Variants in SMC6 observed in about 807,000 individuals in gnomAD.
SMC6 encodes structural maintenance of chromosomes 6.
In SMC6, 79 loss-of-function variants were observed where a neutral mutation model predicts 142.2. The observed-to-expected ratio is 0.56, with a 90% CI of 0.46 to 0.67. The LOEUF is 0.67. SMC6 is among the 30% of genes least tolerant of loss of function. The probability of loss-of-function intolerance (pLI) is 0.00; values close to 1 mark genes in which losing one functional copy is unlikely to be tolerated. For missense variants in SMC6, 1,072 were observed against 1,284.0 expected (o/e 0.83, Z 2.52); for synonymous variants, 411 against 412.4 (o/e 1.00, Z 0.04).
intron 18 of SMC6, among the ~76,000 whole-genome samples, chr2:17,705,439 T>C (rs1438262792): frequency 6.6e-6 from 1 of 150,994 alleles, no homozygotes. Context: ...ATGGTGGCAC[T>C]TGCCTGTACT....
intron 7 of SMC6, among the ~76,000 whole-genome samples, chr2:17,729,464 TAATA>T (rs143569136): frequency 0.024 from 3,652 of 152,302 alleles, 165 homozygotes; most frequent in African/African-American, 0.083. Context: ...GAAAACTTTC[TAATA>T]AATACAGCTG....
intron 18 of SMC6, 107 bp downstream of exon 18, chr2:17,707,112 A>G: frequency 1.2e-6 from 1 of 835,048 alleles, no homozygotes; most frequent in Non-Finnish European, 1.7e-6. Flanking sequence ...ACTGAGATAG[A>G]TTACTCACGT....
chr2:17,682,655 T>C (rs533631391), intron 24 of SMC6, among the ~76,000 whole-genome samples: 17 of 152,168 alleles, frequency 1.1e-4, no homozygotes, highest in Non-Finnish European at 2.1e-4. Flanking sequence ...AACCTTGTGA[T>C]TTACAAGGTA....
intron 4 of SMC6, among the ~76,000 whole-genome samples, chr2:17,741,272 T>C (rs1007127072): frequency 3.3e-5 from 5 of 152,234 alleles, no homozygotes; most frequent in Non-Finnish European, 5.9e-5. Context: ...AGTCACTTCA[T>C]TTGTGCTCTT....
intron 24 of SMC6, chr2:17,679,487 C>T (rs991302463): frequency 3.3e-5 from 5 of 152,176 alleles, no homozygotes; most frequent in African/African-American, 9.7e-5. Flanking sequence ...CAAACTCTAT[C>T]TTTCCTTCTC....
chr2:17,666,656 C>A, intron 26 of SMC6, 139 bp from the exon 27 acceptor site: 1 of 648,428 alleles, frequency 1.5e-6, no homozygotes. Flanking sequence ...TCCAAGAAAT[C>A]TATTATACTG....
chr2:17,705,114 C>T (rs1351873900), intron 18 of SMC6, among the ~76,000 whole-genome samples: 6 of 151,264 alleles, frequency 4.0e-5, no homozygotes, highest in Non-Finnish European at 5.9e-5. Flanking sequence ...AGAAATTAGC[C>T]GGGTGTGGTG....
chr2:17,686,012 G>T (rs1038691194), intron 23 of SMC6, among the ~76,000 whole-genome samples: 2 of 151,980 alleles, frequency 1.3e-5, no homozygotes. Context: ...ATGAAAAAAT[G>T]TTGAGTTTTA....
At chr2:17,690,779 G>A (rs1053188906) in intron 23 of SMC6, among the ~76,000 whole-genome samples, 4 of 152,034 alleles carry the variant, frequency 2.6e-5, no homozygotes, top group Middle Eastern at 3.4e-3. Flanking sequence ...TAAGAGAAAC[G>A]TACATTAAAA....
intron 4 of SMC6, among the ~76,000 whole-genome samples, chr2:17,739,879 A>AACACACAC (rs60784309): frequency 0.048 from 5,588 of 115,424 alleles, 274 homozygotes; most frequent in East Asian, 0.15. Context: ...GAATATGGTA[A>AACACACAC]ACACACACAC....
Position 17,720,959 on chromosome 2 carries a change from C to T in SMC6, c.926G>A (p.Arg309Lys). The T allele has an allele frequency of 6.2e-7, 1 of 1,613,244 alleles. No individual in the cohort carries two copies. Among genetic ancestry groups the T allele is most frequent in the Non-Finnish European group, 8.5e-7 (1 of 1,179,712 alleles). The change falls in exon 11 of 28, where the codon AGG (arginine) becomes AAG (lysine). Residue 309 changes from arginine to lysine, a missense_variant. Arg to Lys is a conservative substitution (Grantham distance 26, BLOSUM62 2). Around this residue, in one of 3 missense-constraint regions of SMC6, gnomAD observed 994 missense variants for 1,153.2 expected, o/e 0.86. Coordinates refer to ENST00000448223, the MANE Select transcript of SMC6 (RefSeq NM_001142286.2). Reference protein sequence around the residue: ...IGEDRAARLDRKMEEQQVRLN... With the variant: ...IGEDRAARLDKKMEEQQVRLN... ...AATTACCTGCTGTTCTTCCATTTTC[C>T]TGTCAAGTCTAGCAGCACGATCTTC...
intron 23 of SMC6, among the ~76,000 whole-genome samples, chr2:17,692,993 A>G (rs1041374600): frequency 3.9e-5 from 6 of 152,338 alleles, no homozygotes; most frequent in South Asian, 2.1e-4. Context: ...ATGCAAATCA[A>G]AACCACAATG....
At chr2:17,703,572 C>T (rs1668368422) in intron 18 of SMC6, among the ~76,000 whole-genome samples, 1 of 152,092 alleles carries the variant, frequency 6.6e-6, no homozygotes, top group South Asian at 2.1e-4. Context: ...TCCACTTATA[C>T]ACAGATTTTC....
In SMC6 at chr2:17,696,977, G is replaced by A. The variant is rs114807273; in HGVS notation, c.2395-551C>T. ...ACTGGAAAAATAAAACAAGAGGTAT[G>A]GCTAAAAAACTGGGAGAAGAGATAA... On this transcript the variant is annotated intron_variant, in intron 21 of 27. Coordinates refer to ENST00000448223, the MANE Select transcript of SMC6 (RefSeq NM_001142286.2). Among the ~76,000 whole-genome samples the A allele has an allele frequency of 4.8e-3, 734 of 152,034 alleles. 4 individuals carry two copies. Among genetic ancestry groups the A allele is most frequent in the African/African-American group, 0.016 (681 of 41,484 alleles).
Position 17,717,079 on chromosome 2 carries a change from C to T in SMC6, c.1181+9G>A. ...GATAGCCATGAAAATTTCAAAGTAA[C>T]TACCCTACCTTTTTTTCAGCTCTTC... On this transcript the variant is annotated intron_variant, in intron 13 of 27. Coordinates refer to ENST00000448223, the MANE Select transcript of SMC6 (RefSeq NM_001142286.2). 1.9e-6 allele frequency: 3 copies of T among 1,607,430 alleles called. No homozygotes were observed. The highest frequency in any genetic ancestry group is 2.5e-6 in the Non-Finnish European group (3 of 1,178,046).
Position 17,701,854 on chromosome 2 carries a change from T to C in SMC6, c.2198A>G (p.His733Arg), listed in dbSNP as rs1187586672. ...EIRELENIEEHQSVDIATLED... is the reference protein window; with the variant it reads ...EIRELENIEERQSVDIATLED... ...CAAAGTTGCAATATCTACAGACTGG[T>C]GTTCTTCTATGTTCTCAAGTTCCCG... The change falls in exon 20 of 28, where the codon CAC (histidine) becomes CGC (arginine). Residue 733 changes from histidine (H) to arginine (R), a missense_variant. Transcript: ENST00000448223. The C allele has an allele frequency of 6.3e-7, 1 of 1,579,044 alleles. No individual in the cohort carries two copies. The highest frequency in any genetic ancestry group is 8.6e-7 in the Non-Finnish European group (1 of 1,160,154).
At chr2:17,745,976 T>G (rs1670728554) in intron 2 of SMC6, 25 bp from the exon 3 acceptor site, 3 of 1,565,476 alleles carry the variant, frequency 1.9e-6, no homozygotes, top group Admixed American at 1.9e-5. Flanking sequence ...ATAGTAACAA[T>G]GAGGTAAATC....
intron 19 of SMC6, among the ~76,000 whole-genome samples, chr2:17,702,667 G>C (rs2124942451): frequency 6.6e-6 from 1 of 152,238 alleles, no homozygotes; most frequent in East Asian, 1.9e-4. Context: ...GACCTGATGG[G>C]AGATAATTGA....
intron 5 of SMC6, among the ~76,000 whole-genome samples, chr2:17,734,130 GT>G (rs1424589927): frequency 6.6e-6 from 1 of 151,978 alleles, no homozygotes; most frequent in Non-Finnish European, 1.5e-5. Context: ...GAAGACAGAG[GT>G]CCAGAGACAA....
Sources: gnomAD v4.1 joint callset for allele counts (sites outside exome capture counted in the v4.1 genomes callset) on GRCh38, gnomAD v4.1.1 for gene constraint, gnomAD v4.1.1 regional missense constraint, MANE v1.5 for transcripts, NCBI Gene and HGNC (gene_info 2026-07-23, HGNC 2026-07-21) for gene names.